The following BRCC3 variants were observed in gnomAD, a reference collection of about 807,000 sequenced individuals.
BRCC3 encodes BRCA1/BRCA2-containing complex subunit 3.
A neutral mutation model predicts 28.0 loss-of-function variants in BRCC3; 15 were observed. That is an observed-to-expected ratio of 0.54 (90% CI 0.36 to 0.82). BRCC3 has a LOEUF of 0.82. Among genes scored for constraint, BRCC3 ranks in the 40% least tolerant of loss-of-function variants. The pLI is 0.01. For missense variants in BRCC3, 109 were observed against 225.9 expected (o/e 0.48, Z 3.32); for synonymous variants, 66 against 80.3 (o/e 0.82, Z 0.95).
chrX:155,075,216 T>G (rs2074021919), intron 3 of BRCC3, among the ~76,000 whole-genome samples: 1 of 60,773 alleles, frequency 1.6e-5, no homozygotes, highest in Admixed American at 1.7e-4. Flanking sequence ...TGAAAATCTA[T>G]AGCTTGTTTC....
intron 8 of BRCC3, among the ~76,000 whole-genome samples, 179 bp from the exon 9 acceptor site, chrX:155,116,532 A>T (rs2074357281): frequency 8.9e-6 from 1 of 111,791 alleles, no homozygotes; most frequent in African/African-American, 3.3e-5. Flanking sequence ...GCAATTTCAA[A>T]ATTATCACTT....
Position 155,121,648 on chromosome X carries a change from TG to T in BRCC3, c.*447del, listed in dbSNP as rs1219090881. ...CACAGGAGAAAAATCTTCAGGATCT[TG>T]GGCTAGGTGACAAGTTCTTGGACTT... On this transcript the variant is annotated 3_prime_UTR_variant, in exon 11 of 11. Transcript: ENST00000330045. 4 of 112,347 alleles carry T rather than the reference TG, an allele frequency of 3.6e-5. No homozygotes were observed. In the Admixed American group the frequency reaches 3.8e-4, roughly 11 times the overall value. 9.3% of individuals were successfully genotyped at this position (112,347 alleles called of 1,213,427 possible).
chrX:155,096,719 G>C (rs1339958255), intron 7 of BRCC3, among the ~76,000 whole-genome samples: 1 of 112,096 alleles, frequency 8.9e-6, no homozygotes, highest in African/African-American at 3.2e-5. Flanking sequence ...TGAGAAAGAA[G>C]AACAAAGCTG....
intron 5 of BRCC3, among the ~76,000 whole-genome samples, chrX:155,084,006 T>C (rs782056343): frequency 3.6e-5 from 4 of 111,893 alleles, no homozygotes; most frequent in Non-Finnish European, 7.5e-5. Context: ...CTACAGCATC[T>C]CACTTTGATT....
intron 7 of BRCC3, among the ~76,000 whole-genome samples, chrX:155,111,740 G>GGAA (rs2074323345): frequency 1.2e-5 from 1 of 84,290 alleles, no homozygotes. Flanking sequence ...AAGGGAGAAA[G>GGAA]GAAAAACAGA....
intron 7 of BRCC3, among the ~76,000 whole-genome samples, chrX:155,110,248 T>A (rs2074312175): frequency 9.0e-6 from 1 of 111,609 alleles, no homozygotes; most frequent in Non-Finnish European, 1.9e-5. Flanking sequence ...TGTTCCCATA[T>A]CTCGATTTTC....
chrX:155,071,599 C>T lies in BRCC3; in HGVS notation c.72C>T (p.Asn24=). ...CTGACGCTTTCCTCGTTTGTCTCAACCACGCTCTGAGCACAGAGAAGGAGG... is the reference window on the plus strand; with the variant it reads ...CTGACGCTTTCCTCGTTTGTCTCAATCACGCTCTGAGCACAGAGAAGGAGG... ...LESDAFLVCL[N]HALSTEKEEV... Residue 24 remains asparagine (N), a synonymous_variant, in exon 1 of 11, where the codon AAC becomes AAT. Transcript: ENST00000330045. 1 of 1,210,406 alleles carries T rather than the reference C, an allele frequency of 8.3e-7. No individual in the cohort carries two copies. The highest frequency in any genetic ancestry group is 1.1e-6 in the Non-Finnish European group (1 of 894,646).
At chrX:155,098,818 A>G (rs1557296542) in intron 7 of BRCC3, among the ~76,000 whole-genome samples, 1 of 112,590 alleles carries the variant, frequency 8.9e-6, no homozygotes, top group Non-Finnish European at 1.9e-5. Flanking sequence ...AAGTTGTGTT[A>G]TACCAATCCT....
intron 7 of BRCC3, among the ~76,000 whole-genome samples, chrX:155,109,636 A>G (rs1265717623): frequency 8.9e-6 from 1 of 111,854 alleles, no homozygotes; most frequent in African/African-American, 3.2e-5. Context: ...CCTTATGGAT[A>G]TAAATGTACT....
rs2057558969 is a variant in BRCC3 at position 155,087,410 on chromosome X, G to A, written c.404-1853G>A. On this transcript the variant is annotated intron_variant, in intron 5 of 10. Coordinates refer to ENST00000330045, the MANE Select transcript of BRCC3 (RefSeq NM_001018055.3). The stretch of plus-strand genomic sequence containing the variant: ...TCGGCTCGCTTTGGCAGGCGCCAGG[G>A]TGGAGGTACTGAGCTTACGTGAGAC... 3.6e-5 allele frequency among the ~76,000 whole-genome samples: 4 copies of A among 112,120 alleles called. No homozygotes were observed. In the Admixed American group the frequency reaches 3.7e-4, roughly 11 times the overall value.
At chrX:155,093,664 T>C (rs1416760754) in intron 7 of BRCC3, among the ~76,000 whole-genome samples, 1 of 107,522 alleles carries the variant, frequency 9.3e-6, no homozygotes, top group Non-Finnish European at 1.9e-5. Flanking sequence ...ATGCTTCCTC[T>C]CTCACAGCTC....
chrX:155,110,412 G>A (rs930253988), intron 7 of BRCC3, among the ~76,000 whole-genome samples: 11 of 111,123 alleles, frequency 9.9e-5, no homozygotes, highest in African/African-American at 2.0e-4. Context: ...TTTCTGTATC[G>A]TTTTAGTTTT....
chrX:155,117,873 T>C (rs186040903), intron 9 of BRCC3, among the ~76,000 whole-genome samples: 1 of 112,299 alleles, frequency 8.9e-6, no homozygotes, highest in African/African-American at 3.2e-5. Flanking sequence ...GGTACAGTGC[T>C]GAACAAAAGA....
chrX:155,078,786 T>C, intron 5 of BRCC3, 83 bp downstream of exon 5: 1 of 646,205 alleles, frequency 1.5e-6, no homozygotes, highest in Non-Finnish European at 2.3e-6. Context: ...GTATGGTTAT[T>C]TTAAACCAAA....
intron 8 of BRCC3, among the ~76,000 whole-genome samples, chrX:155,116,417 T>C (rs2074356546): frequency 8.9e-6 from 1 of 112,060 alleles, no homozygotes; most frequent in South Asian, 3.7e-4. Context: ...GATGCTTTCT[T>C]TTTTGGTTGA....
chrX:155,108,781 C>T (rs1569560578), intron 7 of BRCC3, among the ~76,000 whole-genome samples: 1 of 111,731 alleles, frequency 9.0e-6, no homozygotes, highest in Non-Finnish European at 1.9e-5. Context: ...TCAGCTATAC[C>T]TATTCCAAGT....
rs991787048 is a variant in BRCC3 at position 155,072,379 on chromosome X, T to C, written c.140+36T>C. 5 of 1,104,903 alleles carry C rather than the reference T, an allele frequency of 4.5e-6. No individual in the cohort carries two copies. The African/African-American group carries it at 7.3e-5, about 16-fold the overall frequency. 91.1% of individuals were successfully genotyped at this position (1,104,903 alleles called of 1,213,427 possible). ...ATTTGTTTACTCATATCTTATAATCTCTAAGTCATTGTTAACCTAAAATTA... is the reference window on the plus strand; with the variant it reads ...ATTTGTTTACTCATATCTTATAATCCCTAAGTCATTGTTAACCTAAAATTA... On this transcript the variant is annotated intron_variant, in intron 2 of 10. Coordinates refer to ENST00000330045, the MANE Select transcript of BRCC3 (RefSeq NM_001018055.3).
chrX:155,076,411 A>G (rs782659589), intron 3 of BRCC3, among the ~76,000 whole-genome samples: 1 of 110,869 alleles, frequency 9.0e-6, no homozygotes, highest in African/African-American at 3.3e-5. Context: ...AAAAAAACAA[A>G]AAAAAAACTC....
intron 7 of BRCC3, among the ~76,000 whole-genome samples, chrX:155,096,165 T>C (rs972113958): frequency 8.9e-6 from 1 of 112,277 alleles, no homozygotes; most frequent in Admixed American, 9.4e-5. Context: ...ACACAAAAAG[T>C]CACATATTGT....
Sources: allele counts gnomAD v4.1 joint callset (sites outside exome capture counted in the v4.1 genomes callset), GRCh38; gene constraint gnomAD v4.1.1; transcripts MANE v1.5; gene names NCBI Gene and HGNC (gene_info 2026-07-23, HGNC 2026-07-21).